Variants in MAN1A1 observed in about 807,000 individuals in gnomAD.
The protein encoded by MAN1A1 is mannosidase alpha class 1A member 1.
In MAN1A1, 29 loss-of-function variants were observed where a neutral mutation model predicts 70.8. That is an observed-to-expected ratio of 0.41 (90% CI 0.31 to 0.56). The LOEUF (loss-of-function observed/expected upper bound fraction) is 0.56, where lower values mean the gene tolerates loss of function less well. Ranked by LOEUF, MAN1A1 falls within the 20% of genes least tolerant of loss-of-function variation. The pLI is 0.29. For missense variants in MAN1A1, 747 were observed against 841.3 expected (o/e 0.89, Z 1.39); for synonymous variants, 349 against 330.1 (o/e 1.06, Z -0.62).
At position 119,187,517 on chromosome 6, in the gene MAN1A1, G is replaced by A. The variant is rs551761989; in HGVS notation, c.1719+888C>T. On this transcript the variant is annotated intron_variant, in intron 11 of 12. Transcript: ENST00000368468. The stretch of plus-strand genomic sequence containing the variant: ...ACATATTAAATGAAGAGGATAATAA[G>A]CAAGATTCACCGATGGCTTCCTAAG... Among the ~76,000 whole-genome samples, 8 of 152,272 alleles carry A rather than the reference G, an allele frequency of 5.3e-5. No individual in the cohort carries two copies. The East Asian group carries it at 1.5e-3, about 29-fold the overall frequency.
intron 3 of MAN1A1, among the ~76,000 whole-genome samples, chr6:119,306,655 G>A (rs1772533056): frequency 6.6e-6 from 1 of 152,132 alleles, no homozygotes; most frequent in Non-Finnish European, 1.5e-5. Flanking sequence ...TTAGAAGTAT[G>A]CCCCAGGCGT....
rs774758962 is a variant in MAN1A1, at chr6:119,189,702, T to C, written c.1508A>G (p.Glu503Gly). The change falls in exon 10 of 13, where the codon GAA (glutamate) becomes GGA (glycine). Residue 503 changes from glutamate (E) to glycine (G), a missense_variant. By Grantham distance (98) the Glu-to-Gly change is moderately conservative (BLOSUM62 -2). Coordinates refer to ENST00000368468, the MANE Select transcript of MAN1A1 (RefSeq NM_005907.4). Reference sequence around the variant, plus strand: ...TGATTCATGACAAGTACGGGCAATTTCAGCCCCGAGTTCAAGGTAGTGTTG... The same window carrying C: ...TGATTCATGACAAGTACGGGCAATTCCAGCCCCGAGTTCAAGGTAGTGTTG... ...MAQHYLELGA[E>G]IARTCHESYN... 9 of 1,614,068 alleles carry C rather than the reference T, an allele frequency of 5.6e-6. No individual in the cohort carries two copies. The South Asian group carries it at 9.9e-5, about 18-fold the overall frequency.
intron 2 of MAN1A1, among the ~76,000 whole-genome samples, chr6:119,319,386 TAA>T (rs1562240875): frequency 6.7e-6 from 1 of 149,734 alleles, no homozygotes; most frequent in Non-Finnish European, 1.5e-5. Flanking sequence ...ATAATAATAA[TAA>T]TAATCATCAT....
chr6:119,292,373 T>TA (rs1011798462), intron 4 of MAN1A1, among the ~76,000 whole-genome samples: 1 of 151,960 alleles, frequency 6.6e-6, no homozygotes, highest in African/African-American at 2.4e-5. Context: ...ATCTGGCAAA[T>TA]AAACTTAGTC....
At chr6:119,285,442 T>C (rs947192171) in intron 5 of MAN1A1, among the ~76,000 whole-genome samples, 3 of 152,076 alleles carry the variant, frequency 2.0e-5, no homozygotes, top group Non-Finnish European at 2.9e-5. Flanking sequence ...CAATATGAGA[T>C]TTGGAGGGGA....
intron 6 of MAN1A1, among the ~76,000 whole-genome samples, chr6:119,226,215 T>A (rs1774509414): frequency 2.6e-5 from 4 of 152,198 alleles, no homozygotes; most frequent in Admixed American, 2.6e-4. Context: ...AAATATTTGA[T>A]TGCCATAACA....
chr6:119,350,543 A>G, upstream of MAN1A1: 1 of 985,424 alleles, frequency 1.0e-6, no homozygotes, highest in Non-Finnish European at 1.2e-6. Context: ...GAAGTTGGTC[A>G]AATTTTCCAT....
chr6:119,349,343 C>G, intron 1 of MAN1A1, 56 bp from the exon 2 acceptor site: 1 of 1,113,046 alleles, frequency 9.0e-7, no homozygotes, highest in African/African-American at 1.6e-5. Context: ...AAGTTTCCAG[C>G]GGGTCTCCGC....
At chr6:119,268,184 A>G (rs2114368968) in intron 5 of MAN1A1, among the ~76,000 whole-genome samples, 1 of 152,356 alleles carries the variant, frequency 6.6e-6, no homozygotes, top group Non-Finnish European at 1.5e-5. Flanking sequence ...GTATAATTTT[A>G]AGAGAAACAT....
intron 3 of MAN1A1, among the ~76,000 whole-genome samples, chr6:119,303,491 T>C (rs1413742336): frequency 6.6e-6 from 1 of 152,222 alleles, no homozygotes; most frequent in Non-Finnish European, 1.5e-5. Context: ...AAACAAACTG[T>C]AGAAACCTTT....
chr6:119,180,510 A>C, intron 11 of MAN1A1, 83 bp from the exon 12 acceptor site: 1 of 768,446 alleles, frequency 1.3e-6, no homozygotes. Flanking sequence ...TGTCAAGTTC[A>C]GATAAAACAT....
chr6:119,341,387 G>A (rs1267351638), intron 2 of MAN1A1, among the ~76,000 whole-genome samples: 2 of 152,164 alleles, frequency 1.3e-5, no homozygotes, highest in Non-Finnish European at 2.9e-5. Context: ...AGTCACCAAA[G>A]CACACGTTCT....
At chr6:119,281,728 C>T (rs962270921) in intron 5 of MAN1A1, among the ~76,000 whole-genome samples, 2 of 151,960 alleles carry the variant, frequency 1.3e-5, no homozygotes, top group African/African-American at 4.8e-5. Context: ...GGGAACTATG[C>T]TAAACTAAAA....
chr6:119,227,917 A>T (rs559344725), intron 6 of MAN1A1, among the ~76,000 whole-genome samples: 2 of 152,338 alleles, frequency 1.3e-5, no homozygotes, highest in Admixed American at 6.5e-5. Flanking sequence ...TACTCACTAA[A>T]ATTTTAAGAG....
chr6:119,304,742 A>G (rs1229149583), intron 3 of MAN1A1, among the ~76,000 whole-genome samples: 1 of 152,204 alleles, frequency 6.6e-6, no homozygotes, highest in Non-Finnish European at 1.5e-5. Context: ...GAAAAGATTC[A>G]TAATGCCTAA....
chr6:119,233,238 G>C (rs182794113), intron 6 of MAN1A1, among the ~76,000 whole-genome samples: 5 of 152,196 alleles, frequency 3.3e-5, no homozygotes, highest in Admixed American at 3.3e-4. Context: ...CTTTCCAAGC[G>C]ATTTCACATG....
At chr6:119,233,519 G>C (rs1214308734) in intron 6 of MAN1A1, among the ~76,000 whole-genome samples, 1 of 152,144 alleles carries the variant, frequency 6.6e-6, no homozygotes, top group East Asian at 1.9e-4. Context: ...ATAAGAAACT[G>C]GTCTGGGCTT....
At chr6:119,341,771 C>CCTCCAAGTGA (rs1773598172) in intron 2 of MAN1A1, among the ~76,000 whole-genome samples, 7 of 152,126 alleles carry the variant, frequency 4.6e-5, no homozygotes, top group African/African-American at 1.7e-4. Flanking sequence ...GATTGAAATT[C>CCTCCAAGTGA]ACTTTACTCG....
chr6:119,224,795 G>A (rs941976367), intron 6 of MAN1A1, among the ~76,000 whole-genome samples: 1 of 152,038 alleles, frequency 6.6e-6, no homozygotes, highest in Non-Finnish European at 1.5e-5. Context: ...CTAAATAAAT[G>A]GGCAGAAGAA....
Sources: allele counts gnomAD v4.1 joint callset (sites outside exome capture counted in the v4.1 genomes callset), GRCh38; gene constraint gnomAD v4.1.1; transcripts MANE v1.5; gene names NCBI Gene and HGNC (gene_info 2026-07-23, HGNC 2026-07-21).